The following FMN2 variants were observed in gnomAD, a reference collection of about 807,000 sequenced individuals.
The protein encoded by FMN2 is formin 2, also known as formin-2.
Under a neutral mutation model 142.3 loss-of-function variants are expected in FMN2, and 51 were observed. The ratio of observed to expected loss-of-function variants is 0.36; its 90% CI spans 0.29 to 0.45. FMN2 has a LOEUF of 0.45. Ranked by LOEUF, FMN2 falls within the 20% of genes least tolerant of loss-of-function variation. The pLI, the probability that FMN2 is intolerant of heterozygous loss-of-function variation, is 1.00. For missense variants in FMN2, 1,936 were observed against 2,122.8 expected, an observed-to-expected ratio of 0.91 and a Z score of 1.73; for synonymous variants, 882 against 869.8, an observed-to-expected ratio of 1.01 and a Z score of -0.25.
At chr1:240,323,057 C>T (rs968502900) in intron 8 of FMN2, among the ~76,000 whole-genome samples, 3 of 152,026 alleles carry the variant, frequency 2.0e-5, no homozygotes, top group Non-Finnish European at 4.4e-5. Flanking sequence ...TCCTTTTCTT[C>T]TCTCCCCTTG....
chr1:240,261,465 A>G (rs970016387), intron 7 of FMN2, among the ~76,000 whole-genome samples: 4 of 152,086 alleles, frequency 2.6e-5, no homozygotes, highest in African/African-American at 9.7e-5. Flanking sequence ...AAACAGCAAG[A>G]ATCATTTTCT....
chr1:240,141,287 A>G (rs1490102740), intron 2 of FMN2, among the ~76,000 whole-genome samples: 2 of 152,208 alleles, frequency 1.3e-5, no homozygotes, highest in Non-Finnish European at 2.9e-5. Context: ...ACAAGAGTGA[A>G]GCTTAGCATG....
At chr1:240,413,542 CT>C (rs2103129525) in intron 15 of FMN2, among the ~76,000 whole-genome samples, 1 of 152,266 alleles carries the variant, frequency 6.6e-6, no homozygotes, top group Non-Finnish European at 1.5e-5. Context: ...GAGATCCTGA[CT>C]TACATTTACA....
intron 4 of FMN2, among the ~76,000 whole-genome samples, chr1:240,191,297 A>T (rs1469146944): frequency 3.9e-5 from 6 of 152,216 alleles, no homozygotes; most frequent in Non-Finnish European, 7.3e-5. Flanking sequence ...AAAACACATG[A>T]CTCATAAAGC....
chr1:240,226,794 C>T (rs908285158), intron 6 of FMN2, among the ~76,000 whole-genome samples: 1 of 147,508 alleles, frequency 6.8e-6, no homozygotes, highest in African/African-American at 2.5e-5. Context: ...GTTACCAAAT[C>T]GTATACACTT....
rs192195188 is a variant in FMN2, at chr1:240,241,633, C to T, written c.4066-16312C>T. ...ATTATTTTTACAGATGTGATTTATG[C>T]GTGTCACGCTGCTGGGACATTTAAT... On this transcript the variant is annotated intron_variant, in intron 6 of 17. Transcript: ENST00000319653. 2.8e-3 allele frequency among the ~76,000 whole-genome samples: 421 copies of T among 152,170 alleles called. 2 individuals carry two copies. The highest frequency in any genetic ancestry group is 0.025 in the South Asian group (121 of 4,818).
At chr1:240,355,149 A>G (rs1188995957) in intron 13 of FMN2, among the ~76,000 whole-genome samples, 1 of 152,122 alleles carries the variant, frequency 6.6e-6, no homozygotes, top group African/African-American at 2.4e-5. Context: ...CTCTTGGGCA[A>G]ATTAGTGCCT....
intron 13 of FMN2, among the ~76,000 whole-genome samples, chr1:240,337,203 C>CTTTTCTT (rs1305027690): frequency 2.2e-5 from 2 of 90,560 alleles, no homozygotes; most frequent in African/African-American, 7.5e-5. Context: ...TATTCCTTTT[C>CTTTTCTT]TTTTTTTTTT....
At chr1:240,212,847 A>G (rs775471753) in intron 6 of FMN2, among the ~76,000 whole-genome samples, 10 of 152,208 alleles carry the variant, frequency 6.6e-5, no homozygotes, top group Non-Finnish European at 1.5e-4. Context: ...ACAAACGTGT[A>G]GATGTGGCAT....
rs150414474 is a variant in FMN2 at position 240,197,905 on chromosome 1, G to A, written c.1987-8894G>A. Among the ~76,000 whole-genome samples the A allele has an allele frequency of 1.8e-3, 275 of 152,166 alleles. 1 individual carries two copies. The highest frequency in any genetic ancestry group is 6.4e-3 in the African/African-American group (266 of 41,500). On this transcript the variant is annotated intron_variant, in intron 4 of 17. Coordinates refer to ENST00000319653, the MANE Select transcript of FMN2 (RefSeq NM_020066.5). Reference sequence around the variant, plus strand: ...GCTGGTCTCAAACTCCTGACCTCAGGTGATCCACCCACCTCAGCCTCCCAA... The same window carrying A: ...GCTGGTCTCAAACTCCTGACCTCAGATGATCCACCCACCTCAGCCTCCCAA...
chr1:240,304,108 T>A (rs918316676), intron 8 of FMN2, among the ~76,000 whole-genome samples: 2 of 152,196 alleles, frequency 1.3e-5, no homozygotes, highest in Admixed American at 1.3e-4. Context: ...TTTAGTTCTT[T>A]GAGCATATTT....
chr1:240,466,671 G>C (rs932355003), intron 16 of FMN2, among the ~76,000 whole-genome samples: 8 of 152,066 alleles, frequency 5.3e-5, no homozygotes, highest in African/African-American at 1.9e-4. Flanking sequence ...TGAATTTCAG[G>C]TTTTATATTC....
intron 15 of FMN2, among the ~76,000 whole-genome samples, chr1:240,404,001 A>G (rs940767638): frequency 2.6e-5 from 4 of 152,246 alleles, no homozygotes; most frequent in Non-Finnish European, 4.4e-5. Flanking sequence ...CTATTTCTGC[A>G]TGTAATATTG....
chr1:240,328,168 A>AAAAAAG (rs1553363688), intron 8 of FMN2, among the ~76,000 whole-genome samples: 20 of 135,876 alleles, frequency 1.5e-4, no homozygotes, highest in African/African-American at 4.7e-4. Flanking sequence ...AAAAAAAAAA[A>AAAAAAG]AAAAGAAAAA....
chr1:240,279,288 A>G (rs2102935466), intron 7 of FMN2, among the ~76,000 whole-genome samples: 2 of 152,332 alleles, frequency 1.3e-5, no homozygotes, highest in South Asian at 4.1e-4. Context: ...ATACCGTGAG[A>G]AGAGGACAGA....
chr1:240,168,217 T>C (rs1054691244), intron 2 of FMN2, among the ~76,000 whole-genome samples: 2 of 152,168 alleles, frequency 1.3e-5, no homozygotes, highest in Non-Finnish European at 2.9e-5. Context: ...GTGAGTTCAA[T>C]TCAGGCTACT....
chr1:240,175,178 A>G (rs1664867735), intron 2 of FMN2, among the ~76,000 whole-genome samples: 2 of 152,222 alleles, frequency 1.3e-5, no homozygotes, highest in South Asian at 4.1e-4. Flanking sequence ...TTTAAAGGCT[A>G]AATAATTTCC....
intron 3 of FMN2, among the ~76,000 whole-genome samples, chr1:240,183,865 G>C (rs1665257040): frequency 6.6e-6 from 1 of 152,140 alleles, no homozygotes; most frequent in Admixed American, 6.6e-5. Flanking sequence ...CAGTTAAATT[G>C]ACTGGATTTG....
chr1:240,308,783 G>A (rs140720634), intron 8 of FMN2, among the ~76,000 whole-genome samples: 2 of 152,316 alleles, frequency 1.3e-5, no homozygotes, highest in African/African-American at 4.8e-5. Context: ...TGAAGAATAT[G>A]CCAGTAGAAT....
Sources: allele counts gnomAD v4.1 joint callset (sites outside exome capture counted in the v4.1 genomes callset), GRCh38; gene constraint gnomAD v4.1.1; transcripts MANE v1.5; gene names NCBI Gene and HGNC (gene_info 2026-07-23, HGNC 2026-07-21).